Variants in RFC3 observed in about 807,000 individuals in gnomAD.
RFC3 encodes A1 38 kDa subunit.
RFC3 carries 41 observed loss-of-function variants against 45.1 expected under a neutral mutation model. The ratio of observed to expected loss-of-function variants is 0.91; its 90% CI spans 0.71 to 1.18. The LOEUF is 1.18. Among genes scored for constraint, RFC3 ranks in the 50% most tolerant of loss-of-function variants. The pLI, the probability that RFC3 is intolerant of heterozygous loss-of-function variation, is 0.00. For synonymous variants in RFC3, 149 were observed against 144.0 expected (o/e 1.03, Z -0.25); for missense variants, 423 against 428.1 (o/e 0.99, Z 0.10).
chr13:33,872,772 CAAAA>C (rs1040475028), intron 8 of RFC3, among the ~76,000 whole-genome samples: 14 of 116,114 alleles, frequency 1.2e-4, no homozygotes, highest in African/African-American at 3.9e-4. Context: ...CAAAACAGAA[CAAAA>C]AAAGAAAGAA....
At chr13:33,879,515 TA>T (rs1357835355) in intron 8 of RFC3, among the ~76,000 whole-genome samples, 1 of 152,098 alleles carries the variant, frequency 6.6e-6, no homozygotes, top group Non-Finnish European at 1.5e-5. Flanking sequence ...TTCAAAGTCT[TA>T]GGGGAAAAAT....
chr13:33,881,622 C>G (rs151235273), intron 8 of RFC3, among the ~76,000 whole-genome samples: 394 of 152,186 alleles, frequency 2.6e-3, no homozygotes, highest in Non-Finnish European at 3.7e-3. Flanking sequence ...TTTCGAGGGT[C>G]TATCATCATC....
intron 8 of RFC3, among the ~76,000 whole-genome samples, chr13:33,904,418 C>A (rs1012688188): frequency 4.6e-5 from 7 of 152,036 alleles, no homozygotes; most frequent in Admixed American, 4.6e-4. Context: ...AGTGTCCCAA[C>A]ATGTGTTCTC....
the RFC3 span, among the ~76,000 whole-genome samples, chr13:33,976,090 T>C: frequency 6.6e-6 from 1 of 152,152 alleles, no homozygotes; most frequent in Admixed American, 6.6e-5. Context: ...AACCCCACAA[T>C]GATGGGGTAT....
At chr13:33,959,035 C>T (rs1028618141) in intron 8 of RFC3, among the ~76,000 whole-genome samples, 1 of 152,182 alleles carries the variant, frequency 6.6e-6, no homozygotes, top group Non-Finnish European at 1.5e-5. Flanking sequence ...ACAAGAAAGA[C>T]ATAAGATTCT....
intron 8 of RFC3, among the ~76,000 whole-genome samples, chr13:33,938,052 G>A (rs1181141497): frequency 6.6e-6 from 1 of 152,036 alleles, no homozygotes; most frequent in African/African-American, 2.4e-5. Context: ...ACCTGACTTA[G>A]TTTAGATGTA....
At chr13:33,959,516 A>G (rs116698806) in intron 8 of RFC3, among the ~76,000 whole-genome samples, 88 of 152,244 alleles carry the variant, frequency 5.8e-4, no homozygotes, top group African/African-American at 2.0e-3. Context: ...CATTCTTCCT[A>G]TGAAATCATT....
chr13:33,917,785 G>C (rs2082742481), intron 8 of RFC3, among the ~76,000 whole-genome samples: 1 of 151,908 alleles, frequency 6.6e-6, no homozygotes. Flanking sequence ...ACTTAAAAAT[G>C]AAAAGAGACC....
intron 8 of RFC3, among the ~76,000 whole-genome samples, chr13:33,863,337 A>G (rs1481749431): frequency 6.6e-6 from 1 of 152,022 alleles, no homozygotes; most frequent in Non-Finnish European, 1.5e-5. Flanking sequence ...TGGGGTCCTC[A>G]CTCTGCTAGG....
chr13:33,821,527 C>T (rs1242614449), intron 2 of RFC3, among the ~76,000 whole-genome samples: 2 of 152,104 alleles, frequency 1.3e-5, no homozygotes, highest in Non-Finnish European at 2.9e-5. Flanking sequence ...TTTCAGATTA[C>T]CTAATAAGAC....
chr13:33,836,416 T>TA lies in RFC3; in HGVS notation c.*123dup. 6.7e-7 allele frequency: 1 copy of TA among 1,488,530 alleles called. No individual in the cohort carries two copies. Among genetic ancestry groups the TA allele is most frequent in the South Asian group, 1.4e-5 (1 of 71,888 alleles). 92.2% of individuals were successfully genotyped at this position (1,488,530 alleles called of 1,614,324 possible). A position where few individuals can be genotyped will look rare whatever the true frequency, so the allele number is the denominator to read the frequency against. Reference sequence around the variant, plus strand: ...TGTCGTATTTGCGTTTTTTTGGTAATAACTTCTCTGTGAACTATTAATCAT... The same window carrying TA: ...TGTCGTATTTGCGTTTTTTTGGTAATAAACTTCTCTGTGAACTATTAATCAT... On this transcript the variant is annotated 3_prime_UTR_variant, in exon 9 of 9. Transcript: ENST00000380071.
At chr13:33,895,519 A>G (rs2082592203) in intron 8 of RFC3, among the ~76,000 whole-genome samples, 1 of 152,214 alleles carries the variant, frequency 6.6e-6, no homozygotes, top group South Asian at 2.1e-4. Flanking sequence ...GTAAAAAGGG[A>G]ACGCTTATAC....
chr13:33,888,022 G>T (rs1415588613), intron 8 of RFC3, among the ~76,000 whole-genome samples: 1 of 151,458 alleles, frequency 6.6e-6, no homozygotes, highest in African/African-American at 2.4e-5. Flanking sequence ...TGCTGTTTTG[G>T]TTACTGTAGC....
chr13:33,835,352 C>G, intron 8 of RFC3, 135 bp downstream of exon 8: 1 of 750,174 alleles, frequency 1.3e-6, no homozygotes, highest in East Asian at 2.5e-5. Flanking sequence ...TTTACTGAAC[C>G]TCTATGGTGT....
At chr13:33,938,184 CAAAAAAAAAA>C (rs34685731) in intron 8 of RFC3, among the ~76,000 whole-genome samples, 6 of 70,770 alleles carry the variant, frequency 8.5e-5, no homozygotes, top group African/African-American at 1.2e-4. Flanking sequence ...AGTCCAACTG[CAAAAAAAAAA>C]AAAAAAAAAA....
chr13:33,819,902 CAGTA>C (rs1239087972), intron 1 of RFC3, among the ~76,000 whole-genome samples: 1 of 152,134 alleles, frequency 6.6e-6, no homozygotes, highest in Non-Finnish European at 1.5e-5. Context: ...AAAAACAAGG[CAGTA>C]AGTGTCTGTG....
intron 8 of RFC3, among the ~76,000 whole-genome samples, chr13:33,942,276 GACT>G (rs1425814513): frequency 6.6e-6 from 1 of 151,900 alleles, no homozygotes; most frequent in Non-Finnish European, 1.5e-5. Flanking sequence ...CAACAATAAT[GACT>G]AATGGCCTGA....
intron 8 of RFC3, among the ~76,000 whole-genome samples, chr13:33,893,307 T>C (rs1043258676): frequency 6.6e-6 from 1 of 152,034 alleles, no homozygotes; most frequent in African/African-American, 2.4e-5. Context: ...AGAACCTAGG[T>C]GAACCTTGGA....
chr13:33,851,030 T>C (rs1304664461), intron 8 of RFC3, among the ~76,000 whole-genome samples: 5 of 152,158 alleles, frequency 3.3e-5, no homozygotes, highest in African/African-American at 1.2e-4. Flanking sequence ...ATGAATTTCT[T>C]TGAAAAGCAA....
Sources: allele counts gnomAD v4.1 joint callset (sites outside exome capture counted in the v4.1 genomes callset), GRCh38; gene constraint gnomAD v4.1.1; transcripts MANE v1.5; gene names NCBI Gene and HGNC (gene_info 2026-07-23, HGNC 2026-07-21).